Variants in C1QTNF3 observed in about 807,000 individuals in gnomAD.
C1QTNF3 encodes C1q and TNF related 3.
Under a neutral mutation model 32.6 loss-of-function variants are expected in C1QTNF3, and 26 were observed. The observed-to-expected ratio is 0.80, with a 90% CI of 0.58 to 1.11. The LOEUF (loss-of-function observed/expected upper bound fraction) is 1.11. Ranked by LOEUF, C1QTNF3 falls within the 50% of genes least tolerant of loss-of-function variation. The pLI is 0.00. For synonymous variants in C1QTNF3, 155 were observed against 146.0 expected (o/e 1.06, Z -0.44); for missense variants, 362 against 398.2 (o/e 0.91, Z 0.77).
chr5:34,116,354 A>T, the C1QTNF3 span, among the ~76,000 whole-genome samples: 2 of 152,292 alleles, frequency 1.3e-5, no homozygotes, highest in African/African-American at 4.8e-5. Context: ...TGTTACAGTT[A>T]GTTGTGTGTT....
At chr5:34,163,166 T>C in the C1QTNF3 span, among the ~76,000 whole-genome samples, 1 of 152,144 alleles carries the variant, frequency 6.6e-6, no homozygotes, top group Non-Finnish European at 1.5e-5. Flanking sequence ...AGGATGGACA[T>C]TTAATTACAA....
the C1QTNF3 span, among the ~76,000 whole-genome samples, chr5:34,222,721 A>G: frequency 2.0e-5 from 3 of 151,978 alleles, no homozygotes; most frequent in Admixed American, 1.3e-4. Flanking sequence ...CGAATTTAAC[A>G]ATTTTCTGGT....
At chr5:34,071,982 C>T in the C1QTNF3 span, among the ~76,000 whole-genome samples, 1 of 151,238 alleles carries the variant, frequency 6.6e-6, no homozygotes, top group Non-Finnish European at 1.5e-5. Flanking sequence ...GGATGACCAA[C>T]GTGTCTTCAA....
chr5:34,220,578 G>A, the C1QTNF3 span, among the ~76,000 whole-genome samples: 1 of 151,664 alleles, frequency 6.6e-6, no homozygotes, highest in African/African-American at 2.4e-5. Context: ...CTCTAGGGAA[G>A]GAACATAGTG....
the C1QTNF3 span, among the ~76,000 whole-genome samples, chr5:34,234,140 A>T: frequency 6.6e-6 from 1 of 152,150 alleles, no homozygotes; most frequent in Non-Finnish European, 1.5e-5. Flanking sequence ...CAAAATCAAC[A>T]TAAAGTTACA....
chr5:34,215,939 A>C, the C1QTNF3 span, among the ~76,000 whole-genome samples: 2 of 152,192 alleles, frequency 1.3e-5, no homozygotes, highest in Non-Finnish European at 2.9e-5. Context: ...GGACTCTCTC[A>C]TGACTTTAAA....
At chr5:34,076,031 C>T in the C1QTNF3 span, among the ~76,000 whole-genome samples, 4 of 151,608 alleles carry the variant, frequency 2.6e-5, no homozygotes, top group Non-Finnish European at 5.9e-5. Context: ...AAAAGACAAA[C>T]ACTGAATGAT....
At chr5:34,124,638 C>A in the C1QTNF3 span, 1 of 479,916 alleles carries the variant, frequency 2.1e-6, no homozygotes, top group Non-Finnish European at 3.8e-6. Context: ...TCCCATCACA[C>A]TCCACCTCCA....
chr5:34,161,841 A>G, the C1QTNF3 span, among the ~76,000 whole-genome samples: 1 of 152,178 alleles, frequency 6.6e-6, no homozygotes. Flanking sequence ...CTGATGCTAT[A>G]CATTAGTTGA....
At chr5:34,241,941 A>AAGGGAGGGAGGG in the C1QTNF3 span, among the ~76,000 whole-genome samples, 3 of 106,240 alleles carry the variant, frequency 2.8e-5, no homozygotes, top group Non-Finnish European at 6.4e-5. Context: ...GGAAGGGAGG[A>AAGGGAGGGAGGG]AGGGAGGGAG....
chr5:34,101,768 C>T, the C1QTNF3 span, among the ~76,000 whole-genome samples: 4 of 152,084 alleles, frequency 2.6e-5, no homozygotes, highest in African/African-American at 9.7e-5. Flanking sequence ...ATTAGGCCAG[C>T]CTCTTTGATC....
chr5:34,075,906 T>C, the C1QTNF3 span, among the ~76,000 whole-genome samples: 5 of 146,036 alleles, frequency 3.4e-5, no homozygotes, highest in Non-Finnish European at 3.0e-5. Flanking sequence ...TGTGTGTGTA[T>C]ACACACACAC....
Position 34,042,745 on chromosome 5 carries a change from A to C in C1QTNF3, c.303+78T>G, listed in dbSNP as rs952056918. ...CATTGATTCTAAGAATCTTAGCCAA[A>C]AAAAGAACAACAACAAAACAACAAC... On this transcript the variant is annotated intron_variant, in intron 1 of 5. Transcript: ENST00000382065. 4 of 1,418,172 alleles carry C rather than the reference A, an allele frequency of 2.8e-6. No homozygotes were observed. The African/African-American group carries it at 6.3e-5, about 22-fold the overall frequency. The allele number at this position is 1,418,172 out of a possible 1,614,324, so 87.8% of individuals were successfully genotyped here.
chr5:34,074,408 A>C, the C1QTNF3 span, among the ~76,000 whole-genome samples: 1,396 of 151,860 alleles, frequency 9.2e-3, 16 homozygotes, highest in South Asian at 0.055. Flanking sequence ...CAATTGTCTA[A>C]GCCACAAAAT....
chr5:34,027,296 C>A (rs1187728372), intron 4 of C1QTNF3, among the ~76,000 whole-genome samples: 1 of 152,024 alleles, frequency 6.6e-6, no homozygotes, highest in East Asian at 1.9e-4. Flanking sequence ...TTGGTACAAC[C>A]CTTACAGGGA....
the C1QTNF3 span, among the ~76,000 whole-genome samples, chr5:34,232,834 T>G: frequency 6.6e-6 from 1 of 152,174 alleles, no homozygotes; most frequent in East Asian, 1.9e-4. Context: ...TACTTGTGAT[T>G]TTGAGAATCA....
chr5:34,226,066 T>C, the C1QTNF3 span, among the ~76,000 whole-genome samples: 2 of 151,996 alleles, frequency 1.3e-5, no homozygotes, highest in African/African-American at 4.8e-5. Flanking sequence ...AATGCTTCTC[T>C]CTTTCTTGTC....
the C1QTNF3 span, among the ~76,000 whole-genome samples, chr5:34,241,221 T>G: frequency 6.6e-6 from 1 of 152,030 alleles, no homozygotes; most frequent in Admixed American, 6.5e-5. Context: ...CCTCTAGAAA[T>G]GAAACAAGCC....
the C1QTNF3 span, among the ~76,000 whole-genome samples, chr5:34,163,540 A>G: frequency 2.0e-5 from 3 of 152,064 alleles, no homozygotes; most frequent in Non-Finnish European, 2.9e-5. Context: ...TGTCCATGAT[A>G]TACTAAAGTT....
Sources: allele counts gnomAD v4.1 joint callset (sites outside exome capture counted in the v4.1 genomes callset), GRCh38; gene constraint gnomAD v4.1.1; transcripts MANE v1.5; gene names NCBI Gene and HGNC (gene_info 2026-07-23, HGNC 2026-07-21).